ACRBP: variants seen among roughly 807,000 people sequenced by gnomAD.
ACRBP encodes acrosin-binding protein.
In ACRBP, 52 loss-of-function variants were observed where a neutral mutation model predicts 69.0. The ratio of observed to expected loss-of-function variants is 0.75; its 90% CI spans 0.60 to 0.95. ACRBP has a LOEUF of 0.95. Among genes scored for constraint, ACRBP ranks in the 40% least tolerant of loss-of-function variants. ACRBP has a pLI of 0.00. For synonymous variants in ACRBP, 267 were observed against 258.9 expected (o/e 1.03, Z -0.30); for missense variants, 604 against 673.0 (o/e 0.90, Z 1.13).
In ACRBP at chr12:6,638,288, G is replaced by T. The variant is rs149312090; in HGVS notation, c.1626C>A (p.Phe542Leu). The T allele has an allele frequency of 2.7e-4, 436 of 1,614,068 alleles. No individual in the cohort carries two copies. The African/African-American group carries it at 4.0e-3, about 15-fold the overall frequency. The change falls in exon 10 of 10, where the codon TTC (phenylalanine) becomes TTA (leucine). Residue 542 changes from phenylalanine (F) to leucine (L), a missense_variant. Coordinates refer to ENST00000229243, the MANE Select transcript of ACRBP (RefSeq NM_032489.3). The stretch of plus-strand genomic sequence containing the variant: ...GGGCAGAATAGACGCCAGCTCATCC[G>T]AACTGGCCTAGAGTCAAGGTGCTGA... ...QEFSTLTLGQ[F>L]G
chr12:6,645,488 G>T, intron 3 of ACRBP, 151 bp from the exon 4 acceptor site: 1 of 631,486 alleles, frequency 1.6e-6, no homozygotes, highest in Non-Finnish European at 2.8e-6. Flanking sequence ...CTCTAGACCT[G>T]AGAAAGGGTC....
chr12:6,640,351 C>T lies in ACRBP; in HGVS notation c.1249G>A (p.Gly417Ser), dbSNP rs577478690. The T allele has an allele frequency of 6.2e-6, 10 of 1,613,986 alleles. No homozygotes were observed. The highest frequency in any genetic ancestry group is 1.7e-5 in the Admixed American group (1 of 60,006). ...PLLASQSLSI[G>S]NQVGSPESGR... Reference sequence around the variant, plus strand: ...GCTGCCGGGCTAGATACCTGGTTGCCGATGGACAGGCTCTGGGAGGCAAGC... The same window carrying T: ...GCTGCCGGGCTAGATACCTGGTTGCTGATGGACAGGCTCTGGGAGGCAAGC... The change falls in exon 7 of 10, where the codon GGC (glycine) becomes AGC (serine). Residue 417 changes from glycine (G) to serine (S), a missense_variant. Gly to Ser is a moderately conservative substitution (Grantham distance 56, BLOSUM62 0). Transcript: ENST00000229243. The surrounding 1 kb of genome is among the most constrained non-coding windows in gnomAD (Gnocchi z 5.3).
chr12:6,638,458 TG>T, intron 9 of ACRBP, 54 bp from the exon 10 acceptor site: 1 of 1,608,496 alleles, frequency 6.2e-7, no homozygotes, highest in Non-Finnish European at 8.5e-7. Flanking sequence ...GTGCCAGGAG[TG>T]GGGAGGAGGG....
At chr12:6,644,853 T>C (rs1949076950) in intron 4 of ACRBP, among the ~76,000 whole-genome samples, 1 of 152,156 alleles carries the variant, frequency 6.6e-6, no homozygotes, top group Non-Finnish European at 1.5e-5. Flanking sequence ...CCACCTCAAA[T>C]ACCACCATTT....
At chr12:6,645,115 C>T in intron 4 of ACRBP, 105 bp downstream of exon 4, 1 of 897,922 alleles carries the variant, frequency 1.1e-6, no homozygotes, top group Non-Finnish European at 1.7e-6. Flanking sequence ...GCGCCCCCTT[C>T]CCGCCCAACA....
chr12:6,646,125 A>AC (rs1949086538), intron 3 of ACRBP, among the ~76,000 whole-genome samples: 2 of 121,434 alleles, frequency 1.6e-5, no homozygotes, highest in African/African-American at 6.3e-5. Flanking sequence ...AAGCCCGGCT[A>AC]TTTTTTTTTT....
rs1949095124 is a variant in ACRBP, at chr12:6,647,030, G to A, written c.44-18C>T. 2 of 1,603,512 alleles carry A rather than the reference G, an allele frequency of 1.2e-6. No homozygotes were observed. Among genetic ancestry groups the A allele is most frequent in the Non-Finnish European group, 1.7e-6 (2 of 1,177,734 alleles). On this transcript the variant is annotated intron_variant, in intron 1 of 9. Transcript: ENST00000229243. The stretch of plus-strand genomic sequence containing the variant: ...GAGCAGCACTGCGGAGCGGGCGAAC[G>A]GATGATGGAAGGACCGAACCCCAAA...
Position 6,638,110 on chromosome 12 carries a change from G to A in ACRBP, c.*172C>T. ...CATTTTATGTAAAGTCATCTTTTAA[G>A]GAGGGCGCAGCTCCCACCGTGGCCC... On this transcript the variant is annotated 3_prime_UTR_variant, in exon 10 of 10. Transcript: ENST00000229243. 1 of 830,556 alleles carries A rather than the reference G, an allele frequency of 1.2e-6. No homozygotes were observed. Among genetic ancestry groups the A allele is most frequent in the East Asian group, 2.6e-5 (1 of 38,866 alleles). The allele number at this position is 830,556 out of a possible 1,614,324, so 51.4% of individuals were successfully genotyped here.
chr12:6,644,307 A>G lies in ACRBP; in HGVS notation c.774T>C (p.Ser258=). 2 of 1,614,160 alleles carry G rather than the reference A, an allele frequency of 1.2e-6. No homozygotes were observed. Among genetic ancestry groups the G allele is most frequent in the Non-Finnish European group, 1.7e-6 (2 of 1,180,026 alleles). The change falls in exon 5 of 10, where the codon TCT becomes TCC. Residue 258 remains serine (S), a synonymous_variant. Coordinates refer to ENST00000229243, the MANE Select transcript of ACRBP (RefSeq NM_032489.3). ...AGGAAGGGTTAGAAGATAGAGATTC[A>G]GAGTGAAACTTGGGCTCTGAGTCTG... The part of the protein sequence containing the change: ...LQTDSEPKFH[S]ESLSSNPSSF...
Position 6,638,402 on chromosome 12 carries a change from C to A in ACRBP, c.1512G>T (p.Val504=). The A allele has an allele frequency of 6.2e-7, 1 of 1,613,988 alleles. No homozygotes were observed. Among genetic ancestry groups the A allele is most frequent in the Non-Finnish European group, 8.5e-7 (1 of 1,180,028 alleles). Residue 504 remains valine, a splice_region_variant and synonymous_variant, in exon 10 of 10, where the codon GTG becomes GTT. Transcript: ENST00000229243. ...QCLMRNRNRK[V]SRMRCLQNET... ...CATTCTGCAGACATCTCATGCGGGA[C>A]ACCTACACAGAGATTCAGTGCAGAC...
Position 6,645,666 on chromosome 12 carries a change from G to T in ACRBP, c.358-329C>A, listed in dbSNP as rs866675548. Among the ~76,000 whole-genome samples, 1,091 of 142,732 alleles carry T rather than the reference G, an allele frequency of 7.6e-3. 9 individuals carry two copies. Among genetic ancestry groups the T allele is most frequent in the African/African-American group, 0.021 (817 of 38,632 alleles). The allele number at this position is 142,732 out of a possible 152,430, so 93.6% of individuals were successfully genotyped here. A position where few individuals can be genotyped will look rare whatever the true frequency, so the allele number is the denominator to read the frequency against. On this transcript the variant is annotated intron_variant, in intron 3 of 9. Coordinates refer to ENST00000229243, the MANE Select transcript of ACRBP (RefSeq NM_032489.3). ...TTTGGGTTTTGGGTTTGTTTTTTTT[G>T]TTTTTTTTTTTTGAGACGGAGTCTC...
intron 5 of ACRBP, 26 bp from the exon 6 acceptor site, chr12:6,643,697 G>A (rs748307760): frequency 1.9e-6 from 3 of 1,607,558 alleles, no homozygotes; most frequent in Middle Eastern, 3.3e-4. Context: ...ACTGAGGGTG[G>A]GGCTGGGCCA....
At chr12:6,638,719 T>C in intron 9 of ACRBP, 3 of 1,428,644 alleles carry the variant, frequency 2.1e-6, no homozygotes, top group East Asian at 2.5e-5. Context: ...GGGTTCTTCC[T>C]GTGGTGCTCT....
intron 3 of ACRBP, 106 bp downstream of exon 3, chr12:6,646,377 G>A (rs1001125348): frequency 6.2e-6 from 6 of 964,116 alleles, no homozygotes; most frequent in Non-Finnish European, 1.0e-5. Context: ...TGGCAGGGAA[G>A]GAGGAGCTAA....
In ACRBP at chr12:6,640,546, C is replaced by T; in HGVS notation, c.1078-24G>A. On this transcript the variant is annotated intron_variant, in intron 6 of 9. Transcript: ENST00000229243. This position sits in a 1 kb window ranked among gnomAD's most constrained non-coding sequence, Gnocchi z 5.3. ...ACCTGGGGCAGGGGAATGGGTGAGG[C>T]TGAAGCTGAGAGTCAGCGGCCTGCC... 1 of 1,606,670 alleles carries T rather than the reference C, an allele frequency of 6.2e-7. No individual in the cohort carries two copies.
At chr12:6,647,205 G>C in intron 1 of ACRBP, 119 bp downstream of exon 1, 2 of 1,285,590 alleles carry the variant, frequency 1.6e-6, no homozygotes, top group African/African-American at 1.5e-5. Flanking sequence ...CCAGGACCTA[G>C]GGAGCCGACC....
Position 6,645,108 on chromosome 12 carries a change from C to T in ACRBP, c.475+112G>A, listed in dbSNP as rs181598197. 127 of 820,890 alleles carry T rather than the reference C, an allele frequency of 1.5e-4. No homozygotes were observed. The African/African-American group carries it at 1.9e-3, about 12-fold the overall frequency. 50.9% of individuals were successfully genotyped at this position (820,890 alleles called of 1,614,324 possible). A position where few individuals can be genotyped will look rare whatever the true frequency, so the allele number is the denominator to read the frequency against. On this transcript the variant is annotated intron_variant, in intron 4 of 9. Transcript: ENST00000229243. ...TTGTGTAAACAGCTGTCTGCTGGCGCCCCCTTCCCGCCCAACATGCTTCCC... is the reference window on the plus strand; with the variant it reads ...TTGTGTAAACAGCTGTCTGCTGGCGTCCCCTTCCCGCCCAACATGCTTCCC...
At chr12:6,644,643 A>G in intron 4 of ACRBP, 38 bp from the exon 5 acceptor site, 1 of 1,564,944 alleles carries the variant, frequency 6.4e-7, no homozygotes, top group African/African-American at 1.4e-5. Flanking sequence ...AGAGACAGTC[A>G]GGCTTCTAGC....
At position 6,644,474 on chromosome 12, in the gene ACRBP, G is replaced by T; in HGVS notation, c.607C>A (p.His203Asn). The T allele has an allele frequency of 6.2e-7, 1 of 1,613,862 alleles. No individual in the cohort carries two copies. Among genetic ancestry groups the T allele is most frequent in the Non-Finnish European group, 8.5e-7 (1 of 1,179,996 alleles). The change falls in exon 5 of 10, where the codon CAC (histidine) becomes AAC (asparagine). Residue 203 changes from histidine (H) to asparagine (N), a missense_variant. His to Asn is a moderately conservative substitution (Grantham distance 68, BLOSUM62 1). Transcript: ENST00000229243. ...TGTTCTTGTGTCGGCTCCTGCCTGT[G>T]CTCCACTCCTTGCTCCTGCTTGTGC... ...PEHKQEQGVE[H>N]RQEPTQEHKQ...
Sources: gnomAD v4.1 joint callset for allele counts (sites outside exome capture counted in the v4.1 genomes callset) on GRCh38, gnomAD v4.1.1 for gene constraint, Gnocchi (gnomAD v3.1) non-coding constraint, MANE v1.5 for transcripts, NCBI Gene and HGNC (gene_info 2026-07-23, HGNC 2026-07-21) for gene names.